Variants in EIF4ENIF1 observed in about 807,000 individuals in gnomAD.
EIF4ENIF1 encodes the protein eukaryotic translation initiation factor 4E nuclear import factor 1.
In EIF4ENIF1, 23 loss-of-function variants were observed where a neutral mutation model predicts 110.5. That is an observed-to-expected ratio of 0.21 (90% CI 0.15 to 0.29). The LOEUF (loss-of-function observed/expected upper bound fraction) is 0.29, where lower values mean the gene tolerates loss of function less well. EIF4ENIF1 is among the 10% of genes least tolerant of loss of function. The pLI, the probability that EIF4ENIF1 is intolerant of heterozygous loss-of-function variation, is 1.00. For missense variants in EIF4ENIF1, 1,031 were observed against 1,221.1 expected (o/e 0.84, Z 2.32); for synonymous variants, 440 against 437.0 (o/e 1.01, Z -0.09).
downstream of EIF4ENIF1, among the ~76,000 whole-genome samples, chr22:31,438,826 G>T (rs977745172): frequency 6.6e-6 from 1 of 151,978 alleles, no homozygotes. Context: ...AGGTTCAGGC[G>T]ATTCTTCTGT....
chr22:31,447,030 G>A (rs1341853658), intron 14 of EIF4ENIF1: 7 of 464,954 alleles, frequency 1.5e-5, no homozygotes, highest in Non-Finnish European at 3.1e-5. Context: ...GGAATAAGGA[G>A]CTATGCTAGT....
chr22:31,482,750 G>A (rs893498561), intron 2 of EIF4ENIF1, among the ~76,000 whole-genome samples: 4 of 151,920 alleles, frequency 2.6e-5, no homozygotes, highest in Admixed American at 1.3e-4. Context: ...GAGGCCAGGC[G>A]TGGTGGCTCA....
intron 7 of EIF4ENIF1, among the ~76,000 whole-genome samples, chr22:31,456,917 A>G (rs942624052): frequency 3.3e-5 from 5 of 152,232 alleles, no homozygotes; most frequent in African/African-American, 1.2e-4. Context: ...GTTCTCAGAG[A>G]ACAGTGTCAA....
upstream of EIF4ENIF1, among the ~76,000 whole-genome samples, chr22:31,492,708 T>A (rs180982287): frequency 2.0e-4 from 30 of 152,324 alleles, no homozygotes; most frequent in Non-Finnish European, 3.7e-4. Context: ...TGAGTGTTAC[T>A]CTCCTTGGCA....
At chr22:31,483,303 G>A (rs1157690794) in intron 2 of EIF4ENIF1, among the ~76,000 whole-genome samples, 1 of 144,894 alleles carries the variant, frequency 6.9e-6, no homozygotes, top group African/African-American at 2.6e-5. Context: ...AGCCTCAAAC[G>A]ATTCTCTCAC....
At chr22:31,465,414 A>G (rs1174039131) in intron 4 of EIF4ENIF1, among the ~76,000 whole-genome samples, 1 of 152,214 alleles carries the variant, frequency 6.6e-6, no homozygotes, top group Non-Finnish European at 1.5e-5. Context: ...AAGGCAAATA[A>G]GCATATGAAA....
intron 8 of EIF4ENIF1, 50 bp downstream of exon 8, chr22:31,455,801 CA>C: frequency 6.2e-7 from 1 of 1,608,622 alleles, no homozygotes; most frequent in Non-Finnish European, 8.5e-7. Context: ...TGAACCATAT[CA>C]GGGAAAAACC....
chr22:31,477,380 A>AAAAAAAAAAAAAG (rs2051623630), intron 2 of EIF4ENIF1, among the ~76,000 whole-genome samples: 1 of 85,832 alleles, frequency 1.2e-5, no homozygotes, highest in East Asian at 2.2e-4. Context: ...AAAAACAAAA[A>AAAAAAAAAAAAAG]AAACAAAAAA....
At chr22:31,477,088 G>A (rs1191759682) in intron 2 of EIF4ENIF1, among the ~76,000 whole-genome samples, 1 of 150,892 alleles carries the variant, frequency 6.6e-6, no homozygotes, top group African/African-American at 2.4e-5. Context: ...GTACCACCGC[G>A]CTCTAGCCCG....
chr22:31,464,655 A>G (rs5753629), intron 4 of EIF4ENIF1, among the ~76,000 whole-genome samples: 92,367 of 112,038 alleles, frequency 0.82, 38,683 homozygotes, highest in East Asian at 0.98. Context: ...TAGCCTGGGC[A>G]AAAGACTAAG....
At chr22:31,483,913 T>G (rs138407805) in intron 2 of EIF4ENIF1, among the ~76,000 whole-genome samples, 31 of 152,306 alleles carry the variant, frequency 2.0e-4, no homozygotes, top group African/African-American at 6.7e-4. Flanking sequence ...GTGCATATGA[T>G]AAACCCATTT....
At chr22:31,478,949 CAAAAAA>C (rs377466384) in intron 2 of EIF4ENIF1, among the ~76,000 whole-genome samples, 6 of 89,246 alleles carry the variant, frequency 6.7e-5, no homozygotes, top group Admixed American at 3.6e-4. Flanking sequence ...GAGACTGTTT[CAAAAAA>C]AAAAAAAAAA....
At chr22:31,444,375 G>C in intron 15 of EIF4ENIF1, 1 of 461,898 alleles carries the variant, frequency 2.2e-6, no homozygotes, top group Non-Finnish European at 4.0e-6. Context: ...CCTGGCCCAT[G>C]ATCATCTCTG....
chr22:31,487,668 T>C (rs2146119409), intron 2 of EIF4ENIF1, among the ~76,000 whole-genome samples: 1 of 152,004 alleles, frequency 6.6e-6, no homozygotes, highest in East Asian at 1.9e-4. Flanking sequence ...TGCACGCCTG[T>C]GGTCCCAGCT....
chr22:31,470,807 T>C (rs2051349800), intron 3 of EIF4ENIF1, among the ~76,000 whole-genome samples: 1 of 151,086 alleles, frequency 6.6e-6, no homozygotes, highest in Non-Finnish European at 1.5e-5. Flanking sequence ...TTTGGCCTCC[T>C]GAGTACTTGG....
intron 2 of EIF4ENIF1, among the ~76,000 whole-genome samples, chr22:31,476,639 A>C (rs1186258915): frequency 1.3e-5 from 2 of 152,146 alleles, no homozygotes; most frequent in African/African-American, 4.8e-5. Flanking sequence ...TCACACATGT[A>C]ATCACAGCAC....
chr22:31,469,774 C>A (rs1337562386), intron 3 of EIF4ENIF1, among the ~76,000 whole-genome samples: 1 of 152,176 alleles, frequency 6.6e-6, no homozygotes, highest in African/African-American at 2.4e-5. Flanking sequence ...CTCACTGCAG[C>A]CTGAAACTTC....
At chr22:31,485,454 C>T (rs914125083) in intron 2 of EIF4ENIF1, among the ~76,000 whole-genome samples, 2 of 152,108 alleles carry the variant, frequency 1.3e-5, no homozygotes, top group Non-Finnish European at 2.9e-5. Context: ...ACATGTTAAC[C>T]TCTGATCGGT....
At chr22:31,475,361 T>G (rs1220038615) in intron 2 of EIF4ENIF1, among the ~76,000 whole-genome samples, 1 of 151,974 alleles carries the variant, frequency 6.6e-6, no homozygotes, top group East Asian at 1.9e-4. Flanking sequence ...TCCCAGAACT[T>G]TGGGAGGCTG....
Sources: allele counts gnomAD v4.1 joint callset (sites outside exome capture counted in the v4.1 genomes callset), GRCh38; gene constraint gnomAD v4.1.1; transcripts MANE v1.5; gene names NCBI Gene and HGNC (gene_info 2026-07-23, HGNC 2026-07-21).